ATL2: variants seen among roughly 807,000 people sequenced by gnomAD.
ATL2 encodes the protein atlastin GTPase 2.
In ATL2, 31 loss-of-function variants were observed where a neutral mutation model predicts 73.9. The ratio of observed to expected loss-of-function variants is 0.42; its 90% CI spans 0.32 to 0.57. The LOEUF (loss-of-function observed/expected upper bound fraction) is 0.57. Ranked by LOEUF, ATL2 falls within the 20% of genes least tolerant of loss-of-function variation. The pLI is 0.14. For missense variants in ATL2, 738 were observed against 702.6 expected (o/e 1.05, Z -0.57); for synonymous variants, 291 against 237.5 (o/e 1.23, Z -2.07).
intron 2 of ATL2, among the ~76,000 whole-genome samples, chr2:38,323,544 T>A (rs1462695574): frequency 6.6e-6 from 1 of 151,792 alleles, no homozygotes; most frequent in Non-Finnish European, 1.5e-5. Context: ...AATACAGCCC[T>A]TGCCAAAAAG....
At chr2:38,338,551 T>C (rs761795976) in intron 2 of ATL2, among the ~76,000 whole-genome samples, 3 of 151,798 alleles carry the variant, frequency 2.0e-5, no homozygotes, top group Non-Finnish European at 2.9e-5. Context: ...AATAAATAAA[T>C]AAATAGGGAG....
chr2:38,310,845 T>C (rs867720498), intron 7 of ATL2, among the ~76,000 whole-genome samples: 10 of 151,974 alleles, frequency 6.6e-5, no homozygotes, highest in African/African-American at 4.8e-5. Context: ...CAGGCTGATC[T>C]TGAACTTCCA....
chr2:38,377,295 T>C (rs756439441), upstream of ATL2: 1 of 1,494,524 alleles, frequency 6.7e-7, no homozygotes, highest in Admixed American at 2.2e-5. Flanking sequence ...CCCACTGACG[T>C]CAAACGCCGC....
chr2:38,295,760 C>T lies in ATL2; in HGVS notation c.*234G>A. 2.8e-6 allele frequency: 1 copy of T among 352,776 alleles called. No homozygotes were observed. The highest frequency in any genetic ancestry group is 5.1e-6 in the Non-Finnish European group (1 of 194,252). The allele number at this position is 352,776 out of a possible 1,614,324, so 21.9% of individuals were successfully genotyped here. The stretch of plus-strand genomic sequence containing the variant: ...AGAAATAAAAGAGTTAAACATGGCA[C>T]AAAGGTGCATGATTAACCAATGCTC... On this transcript the variant is annotated 3_prime_UTR_variant, in exon 13 of 13. Transcript: ENST00000378954.
At chr2:38,360,964 G>A (rs1270489373) in intron 1 of ATL2, among the ~76,000 whole-genome samples, 2 of 151,896 alleles carry the variant, frequency 1.3e-5, no homozygotes, top group African/African-American at 2.4e-5. Flanking sequence ...AAATACCCAT[G>A]GATAAATAAA....
chr2:38,372,584 TAAAC>T (rs1671751326), intron 1 of ATL2, among the ~76,000 whole-genome samples: 2 of 152,280 alleles, frequency 1.3e-5, no homozygotes, highest in South Asian at 4.1e-4. Flanking sequence ...GCAATTGAAA[TAAAC>T]AATTCCAGAA....
chr2:38,353,089 CAT>C (rs1471158466), intron 1 of ATL2, among the ~76,000 whole-genome samples: 4 of 152,094 alleles, frequency 2.6e-5, no homozygotes, highest in Non-Finnish European at 4.4e-5. Flanking sequence ...AAATGTAGCC[CAT>C]AGTCAAGAAA....
At chr2:38,302,842 C>G (rs1667258454) in intron 9 of ATL2, among the ~76,000 whole-genome samples, 1 of 152,150 alleles carries the variant, frequency 6.6e-6, no homozygotes, top group Non-Finnish European at 1.5e-5. Context: ...AAAGCCTTCC[C>G]AAGGATGACA....
At chr2:38,345,864 T>C (rs1359176066) in intron 1 of ATL2, among the ~76,000 whole-genome samples, 4 of 152,214 alleles carry the variant, frequency 2.6e-5, no homozygotes, top group African/African-American at 9.6e-5. Flanking sequence ...AAAATGGGTG[T>C]GTGTCAAACA....
intron 1 of ATL2, among the ~76,000 whole-genome samples, chr2:38,365,168 TAC>T (rs143111604): frequency 0.012 from 1,608 of 135,018 alleles, 16 homozygotes; most frequent in East Asian, 0.078. Context: ...CACACACAAA[TAC>T]ACACACACAC....
At chr2:38,377,370 C>A (rs1672053445), upstream of ATL2, 3 of 824,592 alleles carry the variant, frequency 3.6e-6, no homozygotes, top group South Asian at 3.8e-5. Context: ...CGCTCTCCGC[C>A]TGTATCTCCT....
intron 1 of ATL2, among the ~76,000 whole-genome samples, chr2:38,362,457 A>G (rs1007498424): frequency 2.0e-5 from 3 of 152,212 alleles, no homozygotes; most frequent in East Asian, 1.9e-4. Context: ...CACACCCACT[A>G]GAGTTTAAGA....
At chr2:38,296,542 C>G (rs1183116125) in intron 12 of ATL2, 8 of 1,614,044 alleles carry the variant, frequency 5.0e-6, no homozygotes, top group Non-Finnish European at 6.8e-6. Flanking sequence ...GATGAAAGAG[C>G]ACGGTGAACC....
intron 2 of ATL2, among the ~76,000 whole-genome samples, chr2:38,323,787 A>G (rs554763302): frequency 6.6e-6 from 1 of 152,132 alleles, no homozygotes; most frequent in African/African-American, 2.4e-5. Flanking sequence ...ATCATAGCTC[A>G]CTGTCCTCGA....
At chr2:38,315,465 G>A in intron 4 of ATL2, 131 bp from the exon 5 acceptor site, 1 of 873,830 alleles carries the variant, frequency 1.1e-6, no homozygotes, top group South Asian at 1.8e-5. Flanking sequence ...CTACTATCTT[G>A]ACAACTGACA....
intron 2 of ATL2, among the ~76,000 whole-genome samples, chr2:38,331,420 G>C (rs903917455): frequency 4.5e-5 from 6 of 133,430 alleles, no homozygotes; most frequent in African/African-American, 1.2e-4. Context: ...TAGCAACAGA[G>C]TGAGACTCTG....
At chr2:38,311,780 G>C (rs1573451901) in intron 7 of ATL2, among the ~76,000 whole-genome samples, 1 of 152,148 alleles carries the variant, frequency 6.6e-6, no homozygotes, top group Admixed American at 6.5e-5. Context: ...CTTATGATTT[G>C]AGCAATTTTC....
At chr2:38,303,976 A>G (rs1013646654) in intron 9 of ATL2, among the ~76,000 whole-genome samples, 1 of 152,090 alleles carries the variant, frequency 6.6e-6, no homozygotes, top group African/African-American at 2.4e-5. Flanking sequence ...GTTAAAAACA[A>G]CAACAGGCCA....
chr2:38,298,669 A>G, intron 11 of ATL2, 94 bp from the exon 12 acceptor site: 1 of 1,304,476 alleles, frequency 7.7e-7, no homozygotes, highest in Non-Finnish European at 1.1e-6. Context: ...AAGTCAAACC[A>G]CTTACATGAT....
Sources: gnomAD v4.1 joint callset for allele counts (sites outside exome capture counted in the v4.1 genomes callset) on GRCh38, gnomAD v4.1.1 for gene constraint, MANE v1.5 for transcripts, NCBI Gene and HGNC (gene_info 2026-07-23, HGNC 2026-07-21) for gene names.